The following ABHD18 variants were observed in gnomAD, a reference collection of about 807,000 sequenced individuals.
ABHD18 encodes cardiolipin-specific deacylase, mitochondrial.
In ABHD18, 55 loss-of-function variants were observed where a neutral mutation model predicts 65.9. The ratio of observed to expected loss-of-function variants is 0.84; its 90% CI spans 0.67 to 1.05. ABHD18 has a LOEUF of 1.05. ABHD18 is among the 50% of genes least tolerant of loss of function. ABHD18 has a pLI of 0.00. For missense variants in ABHD18, 533 were observed against 558.5 expected (o/e 0.95, Z 0.46); for synonymous variants, 181 against 180.2 (o/e 1.00, Z -0.04).
At chr4:128,035,600 A>G (rs1758803701) in intron 12 of ABHD18, among the ~76,000 whole-genome samples, 162 bp from the exon 13 acceptor site, 1 of 152,106 alleles carries the variant, frequency 6.6e-6, no homozygotes, top group Admixed American at 6.6e-5. Flanking sequence ...ACATGGATTC[A>G]AACACCCATT....
chr4:127,978,693 A>C (rs955598937), intron 1 of ABHD18, among the ~76,000 whole-genome samples: 2 of 152,214 alleles, frequency 1.3e-5, no homozygotes, highest in African/African-American at 4.8e-5. Flanking sequence ...GATGAATTAC[A>C]AAAAGGCTAA....
intron 3 of ABHD18, among the ~76,000 whole-genome samples, chr4:127,986,836 C>A (rs1456674741): frequency 1.3e-5 from 2 of 152,078 alleles, no homozygotes; most frequent in East Asian, 1.9e-4. Flanking sequence ...CATTTATATA[C>A]CTTCTTTGGA....
chr4:128,007,592 TTAGCTGGGCTTGG>T (rs1356813405), intron 4 of ABHD18, among the ~76,000 whole-genome samples: 1 of 151,070 alleles, frequency 6.6e-6, no homozygotes, highest in Admixed American at 6.6e-5. Flanking sequence ...AAATGAAAAA[TTAGCTGGGCTTGG>T]TAGCAGATAT....
At chr4:128,034,534 G>C (rs748987745) in intron 12 of ABHD18, among the ~76,000 whole-genome samples, 1 of 151,862 alleles carries the variant, frequency 6.6e-6, no homozygotes, top group Non-Finnish European at 1.5e-5. Flanking sequence ...GATTGCACCT[G>C]AGAGTAACCA....
chr4:128,011,399 T>C (rs890756416), intron 6 of ABHD18, among the ~76,000 whole-genome samples: 12 of 151,940 alleles, frequency 7.9e-5, no homozygotes, highest in Non-Finnish European at 1.2e-4. Context: ...CCGCCCGCCT[T>C]GGCCTCCCAA....
chr4:127,976,342 T>C (rs1747916490), intron 1 of ABHD18, among the ~76,000 whole-genome samples: 2 of 151,960 alleles, frequency 1.3e-5, no homozygotes, highest in Admixed American at 1.3e-4. Context: ...TGAATCTCAA[T>C]TAAGCAAACG....
chr4:128,016,498 G>A (rs1755512753), intron 7 of ABHD18, among the ~76,000 whole-genome samples: 2 of 152,050 alleles, frequency 1.3e-5, no homozygotes, highest in African/African-American at 4.8e-5. Flanking sequence ...TTTAAGACTG[G>A]GCGTGGTGGC....
chr4:128,015,338 A>G (rs1249480574), intron 7 of ABHD18, among the ~76,000 whole-genome samples: 2 of 152,186 alleles, frequency 1.3e-5, no homozygotes, highest in East Asian at 3.8e-4. Flanking sequence ...GTCTGTTTTC[A>G]TCAAAAGTGC....
chr4:128,014,942 G>C (rs923040254), intron 7 of ABHD18, among the ~76,000 whole-genome samples: 1 of 152,122 alleles, frequency 6.6e-6, no homozygotes, highest in Admixed American at 6.6e-5. Flanking sequence ...GCTGGGCATG[G>C]TGGTGGGCAC....
chr4:127,998,452 G>A lies in ABHD18; in HGVS notation c.278+8631G>A, dbSNP rs556251917. Among the ~76,000 whole-genome samples, 22 of 151,064 alleles carry A rather than the reference G, an allele frequency of 1.5e-4. 1 individual carries two copies. In the South Asian group the frequency reaches 3.1e-3, roughly 22 times the overall value. On this transcript the variant is annotated intron_variant, in intron 4 of 12. Coordinates refer to ENST00000645843, the MANE Select transcript of ABHD18 (RefSeq NM_001358451.3). ...GACAGGGTTTCACCATGTTAGCCAG[G>A]ATGGTCTCGATCTCCTGACCTCGTG...
At position 128,036,018 on chromosome 4, in the gene ABHD18, T is replaced by C. The variant is rs1758852085; in HGVS notation, c.*205T>C. On this transcript the variant is annotated 3_prime_UTR_variant, in exon 13 of 13. Transcript: ENST00000645843. ...AGATAATATTTGAAGTAAATAATGT[T>C]AAAGTGTTTTTACTATTGTTTATTG... is the stretch of plus-strand genomic sequence containing the variant. 2.5e-6 allele frequency: 1 copy of C among 392,450 alleles called. No homozygotes were observed. Among genetic ancestry groups the C allele is most frequent in the South Asian group, 1.2e-4 (1 of 8,496 alleles). The allele number at this position is 392,450 out of a possible 1,614,324, so 24.3% of individuals were successfully genotyped here.
intron 4 of ABHD18, 28 bp from the exon 5 acceptor site, chr4:128,008,892 A>G: frequency 6.7e-7 from 1 of 1,501,064 alleles, no homozygotes; most frequent in Non-Finnish European, 9.0e-7. Context: ...AGAGAATTTT[A>G]TTGATAAGTC....
intron 4 of ABHD18, among the ~76,000 whole-genome samples, chr4:127,994,024 A>G (rs930513213): frequency 2.6e-5 from 4 of 152,216 alleles, no homozygotes; most frequent in African/African-American, 7.2e-5. Context: ...CATTTGGTCC[A>G]TTACTCATGA....
In ABHD18 at chr4:128,014,308, C is replaced by T. The variant is rs145950973; in HGVS notation, c.470+2608C>T. Among the ~76,000 whole-genome samples the T allele has an allele frequency of 1.3e-3, 201 of 152,130 alleles. 1 individual carries two copies. The highest frequency in any genetic ancestry group is 6.0e-3 in the East Asian group (31 of 5,164). ...GAAGAATTTCCACTTTGGAACCAAG[C>T]CCAGAATTCAGAATTAGGTATGTAA... On this transcript the variant is annotated intron_variant, in intron 7 of 12. Coordinates refer to ENST00000645843, the MANE Select transcript of ABHD18 (RefSeq NM_001358451.3).
At position 128,039,855 on chromosome 4, in the gene ABHD18, G is replaced by A. The variant is rs1279567109; in HGVS notation, c.*4042G>A. The A allele has an allele frequency of 6.6e-6, 1 of 151,938 alleles. No homozygotes were observed. Among genetic ancestry groups the A allele is most frequent in the African/African-American group, 2.4e-5 (1 of 41,382 alleles). The allele number at this position is 151,938 out of a possible 1,614,324, so 9.4% of individuals were successfully genotyped here. A position where few individuals can be genotyped will look rare whatever the true frequency, so the allele number is the denominator to read the frequency against. On this transcript the variant is annotated 3_prime_UTR_variant, in exon 13 of 13. Coordinates refer to ENST00000645843, the MANE Select transcript of ABHD18 (RefSeq NM_001358451.3). ...AACAAGGTAAGACAGAAATAAGCAA[G>A]GGAGGCTCTAGCAGAACAGTATCAG...
chr4:127,966,702 CAAAAAAAAAAAAAAAAAAAAAAA>C (rs70966065), intron 1 of ABHD18, among the ~76,000 whole-genome samples: 5 of 21,518 alleles, frequency 2.3e-4, no homozygotes, highest in South Asian at 2.9e-3. Context: ...ACTAAAAATA[CAAAAAAAAAAAAAAAAAAAAAAA>C]AAAAAAAAAA....
intron 6 of ABHD18, 137 bp from the exon 7 acceptor site, chr4:128,011,536 C>T (rs1461349697): frequency 5.3e-5 from 21 of 399,806 alleles, no homozygotes; most frequent in South Asian, 1.4e-4. Context: ...TTAAGAACTT[C>T]TAAACAGCCT....
chr4:128,030,922 A>C (rs1758117827), intron 12 of ABHD18: 1 of 1,161,500 alleles, frequency 8.6e-7, no homozygotes, highest in Non-Finnish European at 1.1e-6. Context: ...TCCCCTCTTC[A>C]AATATTAATG....
At chr4:127,991,912 C>G (rs1247847027) in intron 4 of ABHD18, among the ~76,000 whole-genome samples, 3 of 152,090 alleles carry the variant, frequency 2.0e-5, no homozygotes, top group African/African-American at 7.2e-5. Context: ...TTTGATTGAC[C>G]TGATTAAAAG....
Sources: gnomAD v4.1 joint callset for allele counts (sites outside exome capture counted in the v4.1 genomes callset) on GRCh38, gnomAD v4.1.1 for gene constraint, MANE v1.5 for transcripts, NCBI Gene and HGNC (gene_info 2026-07-23, HGNC 2026-07-21) for gene names.